Variants in ATP2B1 observed in about 807,000 individuals in gnomAD.
ATP2B1 encodes ATPase plasma membrane Ca2+ transporting 1.
A neutral mutation model predicts 124.2 loss-of-function variants in ATP2B1; 14 were observed. The ratio of observed to expected loss-of-function variants is 0.11; its 90% CI spans 0.07 to 0.18. The LOEUF is 0.18. Ranked by LOEUF, ATP2B1 falls within the 10% of genes least tolerant of loss-of-function variation. ATP2B1 has a pLI of 1.00. For synonymous variants in ATP2B1, 449 were observed against 492.4 expected (o/e 0.91, Z 1.17); for missense variants, 763 against 1,466.1 (o/e 0.52, Z 7.83).
At chr12:89,618,925 T>A (rs1054620166) in intron 11 of ATP2B1, among the ~76,000 whole-genome samples, 14 of 152,212 alleles carry the variant, frequency 9.2e-5, no homozygotes, top group Non-Finnish European at 1.3e-4. Context: ...ACTTTAATAT[T>A]TTAAATATTA....
intron 1 of ATP2B1, among the ~76,000 whole-genome samples, chr12:89,700,546 C>T (rs1215424709): frequency 4.6e-5 from 7 of 152,188 alleles, no homozygotes; most frequent in Admixed American, 3.9e-4. Flanking sequence ...ATTAGAGGTA[C>T]TAAAAAAATC....
chr12:89,681,543 G>A (rs969106702), intron 1 of ATP2B1, among the ~76,000 whole-genome samples: 5 of 151,942 alleles, frequency 3.3e-5, no homozygotes, highest in Admixed American at 6.6e-5. Flanking sequence ...ACCACGCCCA[G>A]CTAATGCAAG....
chr12:89,599,905 C>T (rs369436950), intron 19 of ATP2B1, among the ~76,000 whole-genome samples: 2 of 152,108 alleles, frequency 1.3e-5, no homozygotes, highest in South Asian at 4.1e-4. Flanking sequence ...TGTTAACATC[C>T]ATTCTCTAAG....
chr12:89,634,445 A>G (rs1358764394), intron 5 of ATP2B1, among the ~76,000 whole-genome samples: 1 of 152,192 alleles, frequency 6.6e-6, no homozygotes, highest in East Asian at 1.9e-4. Flanking sequence ...TAGGCATTAA[A>G]AATAGTCATG....
intron 2 of ATP2B1, among the ~76,000 whole-genome samples, chr12:89,650,297 T>G (rs2136310789): frequency 6.6e-6 from 1 of 152,324 alleles, no homozygotes; most frequent in East Asian, 1.9e-4. Context: ...TTTCTCAATT[T>G]CAAAAGAGGA....
intron 1 of ATP2B1, among the ~76,000 whole-genome samples, chr12:89,656,841 CATTT>C (rs1365082931): frequency 6.6e-6 from 1 of 152,084 alleles, no homozygotes; most frequent in Non-Finnish European, 1.5e-5. Context: ...TTATCTTGTT[CATTT>C]GTTTATATGT....
chr12:89,689,050 A>AG (rs1324189191), intron 1 of ATP2B1, among the ~76,000 whole-genome samples: 2 of 152,078 alleles, frequency 1.3e-5, no homozygotes, highest in African/African-American at 4.8e-5. Flanking sequence ...CACTGACTTC[A>AG]GTGAATCTAA....
At chr12:89,705,593 C>G (rs1426518680) in intron 1 of ATP2B1, among the ~76,000 whole-genome samples, 1 of 152,118 alleles carries the variant, frequency 6.6e-6, no homozygotes, top group African/African-American at 2.4e-5. Context: ...ACTGTTGCAT[C>G]TGAAATGAAG....
chr12:89,615,182 A>G (rs2681472), intron 12 of ATP2B1, among the ~76,000 whole-genome samples: 22,758 of 152,102 alleles, frequency 0.15, 2,076 homozygotes, highest in South Asian at 0.35. Flanking sequence ...TCTTGCAGCT[A>G]TTTACATGGC....
At chr12:89,662,457 T>C (rs58137968) in intron 1 of ATP2B1, among the ~76,000 whole-genome samples, 2,722 of 152,258 alleles carry the variant, frequency 0.018, 70 homozygotes, top group African/African-American at 0.061. Flanking sequence ...AATTATTTCA[T>C]TAAAATGCTT....
At chr12:89,664,316 T>C (rs933506169) in intron 1 of ATP2B1, among the ~76,000 whole-genome samples, 17 of 152,332 alleles carry the variant, frequency 1.1e-4, no homozygotes, top group African/African-American at 4.1e-4. Flanking sequence ...AGATTATTCA[T>C]TCATGCCAAC....
chr12:89,651,129 G>A (rs184485810), intron 2 of ATP2B1, among the ~76,000 whole-genome samples: 30 of 152,296 alleles, frequency 2.0e-4, no homozygotes, highest in Non-Finnish European at 4.0e-4. Flanking sequence ...CCACTGGGAA[G>A]TTTTTAATAT....
chr12:89,679,905 A>G (rs1889126834), intron 1 of ATP2B1, among the ~76,000 whole-genome samples: 2 of 152,170 alleles, frequency 1.3e-5, no homozygotes, highest in South Asian at 2.1e-4. Context: ...GGGGGAGAAG[A>G]TAAACAGAGA....
At position 89,610,468 on chromosome 12, in the gene ATP2B1, C is replaced by T. The variant is rs777980997; in HGVS notation, c.2288G>A (p.Arg763Gln). 4 of 1,613,630 alleles carry T rather than the reference C, an allele frequency of 2.5e-6. No individual in the cohort carries two copies. The highest frequency in any genetic ancestry group is 1.1e-5 in the South Asian group (1 of 91,080). The change falls in exon 14 of 21, where the codon CGA becomes CAA. Residue 763 changes from arginine to glutamine, a missense_variant. Transcript: ENST00000428670. ...ERIDKIWPKL[R>Q]VLARSSPTDK... ...AGTAGGAGATGATCTTGCAAGTACT[C>T]GAAGTTTTGGCCAAATCTTGTCTAT...
intron 20 of ATP2B1, among the ~76,000 whole-genome samples, chr12:89,592,694 A>G (rs1873814540): frequency 6.6e-6 from 1 of 152,116 alleles, no homozygotes; most frequent in Admixed American, 6.6e-5. Context: ...TTCTTCAACT[A>G]TAAAATGGGA....
At chr12:89,627,806 A>G in intron 6 of ATP2B1, 90 bp from the exon 7 acceptor site, 1 of 1,362,358 alleles carries the variant, frequency 7.3e-7, no homozygotes, top group South Asian at 1.2e-5. Flanking sequence ...TTTCTATAAC[A>G]GTTGTTACAC....
At chr12:89,648,701 T>C (rs757808684) in intron 2 of ATP2B1, among the ~76,000 whole-genome samples, 2 of 152,276 alleles carry the variant, frequency 1.3e-5, no homozygotes, top group Non-Finnish European at 2.9e-5. Flanking sequence ...TGAGTGCTAA[T>C]AGATAAGGCA....
At chr12:89,620,991 C>T (rs1400061464) in intron 10 of ATP2B1, among the ~76,000 whole-genome samples, 2 of 152,072 alleles carry the variant, frequency 1.3e-5, no homozygotes, top group Admixed American at 6.6e-5. Context: ...AACATAACAT[C>T]GCATTCTTTC....
chr12:89,682,195 T>C lies in ATP2B1; in HGVS notation c.-221-26088A>G, dbSNP rs192096180. ...TAACAAGAAATGTTCAAAATCTATA[T>C]AAAGAAAACTGTAAAAACACCTGAA... On this transcript the variant is annotated intron_variant, in intron 1 of 20. Coordinates refer to ENST00000428670, the MANE Select transcript of ATP2B1 (RefSeq NM_001366521.1). 3.9e-5 allele frequency among the ~76,000 whole-genome samples: 6 copies of C among 152,216 alleles called. 1 individual carries two copies. The highest frequency in any genetic ancestry group is 3.3e-4 in the Admixed American group (5 of 15,298).
Sources: allele counts gnomAD v4.1 joint callset (sites outside exome capture counted in the v4.1 genomes callset), GRCh38; gene constraint gnomAD v4.1.1; transcripts MANE v1.5; gene names NCBI Gene and HGNC (gene_info 2026-07-23, HGNC 2026-07-21).